Variants in PRH1 observed in about 807,000 individuals in gnomAD.
The protein encoded by PRH1 is salivary acidic proline-rich phosphoprotein 1/2.
PRH1 carries 7 observed loss-of-function variants against 7.9 expected under a neutral mutation model. The ratio of observed to expected loss-of-function variants is 0.89; its 90% CI spans 0.50 to 1.67. PRH1 has a LOEUF of 1.67. Ranked by LOEUF, PRH1 falls within the 40% of genes most tolerant of loss-of-function variation. The pLI is 0.00. For synonymous variants in PRH1, 45 were observed against 80.8 expected (o/e 0.56, Z 2.38); for missense variants, 109 against 223.6 (o/e 0.49, Z 3.27).
chr12:10,933,028 A>G (rs1208641042), intron 2 of PRH1, among the ~76,000 whole-genome samples: 1 of 152,196 alleles, frequency 6.6e-6, no homozygotes, highest in Non-Finnish European at 1.5e-5. Flanking sequence ...TGATTCATAA[A>G]TTTTGAACTA....
exon 1 of PRH1, chr12:11,171,450 T>C: frequency 8.1e-7 from 1 of 1,232,028 alleles, no homozygotes; most frequent in Non-Finnish European, 1.0e-6. Context: ...CAAGGGGCTC[T>C]CCCGCACCCT....
chr12:11,147,160 T>A (rs528961633), intron 1 of PRH1, among the ~76,000 whole-genome samples: 22 of 152,302 alleles, frequency 1.4e-4, no homozygotes, highest in African/African-American at 5.1e-4. Context: ...TATTTTATAA[T>A]ACTCAGTTTA....
At chr12:11,053,612 A>C (rs1290145895) in intron 1 of PRH1, among the ~76,000 whole-genome samples, 11 of 151,768 alleles carry the variant, frequency 7.2e-5, no homozygotes, top group Admixed American at 2.6e-4. Flanking sequence ...TGGAAATTAC[A>C]TAGACATTAC....
At chr12:10,945,270 G>T (rs1338313474) in intron 2 of PRH1, among the ~76,000 whole-genome samples, 1 of 152,000 alleles carries the variant, frequency 6.6e-6, no homozygotes, top group Non-Finnish European at 1.5e-5. Context: ...ATTTCTTCCT[G>T]GTTCAGTCTT....
chr12:11,134,051 T>C, intron 1 of PRH1: 2 of 1,614,104 alleles, frequency 1.2e-6, no homozygotes, highest in Admixed American at 1.7e-5. Context: ...TGCATACCAA[T>C]GTAGTAATAA....
At chr12:11,069,070 ACCT>A (rs1373660435) in intron 1 of PRH1, among the ~76,000 whole-genome samples, 2 of 151,174 alleles carry the variant, frequency 1.3e-5, no homozygotes, top group Admixed American at 6.6e-5. Flanking sequence ...GGTGGACACC[ACCT>A]CACCTAGCTA....
At chr12:11,147,390 G>T (rs1436915630) in intron 1 of PRH1, among the ~76,000 whole-genome samples, 2 of 151,988 alleles carry the variant, frequency 1.3e-5, no homozygotes, top group East Asian at 3.9e-4. Context: ...GTTTCACCAG[G>T]TTTCCCAGGC....
intron 2 of PRH1, chr12:10,930,231 GC>G: frequency 1.2e-6 from 2 of 1,603,412 alleles, no homozygotes; most frequent in Non-Finnish European, 1.7e-6. Flanking sequence ...AATGATTCAT[GC>G]AGTAACTTTT....
intron 2 of PRH1, among the ~76,000 whole-genome samples, chr12:10,959,155 T>C (rs1938114572): frequency 6.6e-6 from 1 of 151,956 alleles, no homozygotes; most frequent in East Asian, 1.9e-4. Flanking sequence ...AGAGAGAAAA[T>C]ATTGACTCCA....
At chr12:11,129,974 C>A (rs117781909) in intron 1 of PRH1, among the ~76,000 whole-genome samples, 32,107 of 151,558 alleles carry the variant, frequency 0.21, 3,973 homozygotes, top group Non-Finnish European at 0.27. Context: ...AACACGGTGA[C>A]ATCCCAGCCC....
chr12:10,916,923 A>ATAAAATAAAT (rs1224074899), intron 2 of PRH1, among the ~76,000 whole-genome samples: 3 of 150,272 alleles, frequency 2.0e-5, no homozygotes, highest in East Asian at 1.9e-4. Flanking sequence ...ATAAAATAAA[A>ATAAAATAAAT]AAAATAGCTG....
intron 1 of PRH1, among the ~76,000 whole-genome samples, chr12:11,099,881 T>C (rs1945183949): frequency 6.6e-6 from 1 of 151,998 alleles, no homozygotes; most frequent in Admixed American, 6.6e-5. Context: ...AAAGAAAAAG[T>C]AGATGGGGAA....
chr12:11,001,774 T>C (rs1049293284), intron 1 of PRH1, among the ~76,000 whole-genome samples: 19 of 152,156 alleles, frequency 1.2e-4, no homozygotes. Flanking sequence ...TATTTAAATA[T>C]TCATGTAAGG....
At chr12:11,085,226 C>T (rs1435326541) in intron 1 of PRH1, among the ~76,000 whole-genome samples, 2 of 150,946 alleles carry the variant, frequency 1.3e-5, no homozygotes, top group Admixed American at 6.6e-5. Context: ...TTTAACCAAT[C>T]ATTATGTCAA....
chr12:10,934,509 G>A lies in PRH1; in HGVS notation c.-59+39146C>T, dbSNP rs1950259033. Among the ~76,000 whole-genome samples, 10 of 151,952 alleles carry A rather than the reference G, an allele frequency of 6.6e-5. No individual in the cohort carries two copies. The South Asian group carries it at 2.1e-3, about 32-fold the overall frequency. ...GATACTATACAAGGCATTTAGCATG[G>A]CTGCAAAGAGAGAGCTCCAATGTCT... is the stretch of plus-strand genomic sequence containing the variant. On this transcript the variant is annotated intron_variant, in intron 2 of 3. Transcript: ENST00000539853.
intron 1 of PRH1, among the ~76,000 whole-genome samples, chr12:11,016,500 T>C (rs1941301788): frequency 6.6e-6 from 1 of 152,160 alleles, no homozygotes; most frequent in South Asian, 2.1e-4. Flanking sequence ...TTTGTTGTTG[T>C]TTTTTCTGTT....
At chr12:10,938,052 C>T (rs888506133) in intron 2 of PRH1, 1 of 453,044 alleles carries the variant, frequency 2.2e-6, no homozygotes, top group African/African-American at 2.0e-5. Context: ...TGTATAAGAA[C>T]TCTTTATAGT....
chr12:10,949,668 A>G (rs1279424911), intron 2 of PRH1, among the ~76,000 whole-genome samples: 6 of 152,034 alleles, frequency 3.9e-5, no homozygotes, highest in African/African-American at 1.4e-4. Context: ...ATTTTTAAAT[A>G]TTTTTACTAT....
intron 1 of PRH1, among the ~76,000 whole-genome samples, chr12:11,168,268 GA>G: frequency 8.8e-4 from 29 of 33,104 alleles, no homozygotes; most frequent in African/African-American, 1.9e-3. Context: ...AAGAAAGAAA[GA>G]AAGAAAGAAA....
Sources: gnomAD v4.1 joint callset for allele counts (sites outside exome capture counted in the v4.1 genomes callset) on GRCh38, gnomAD v4.1.1 for gene constraint, MANE v1.5 for transcripts, NCBI Gene and HGNC (gene_info 2026-07-23, HGNC 2026-07-21) for gene names.